Variants in SLC39A6 observed in about 807,000 individuals in gnomAD.
The protein encoded by SLC39A6 is solute carrier family 39 member 6.
Under a neutral mutation model 63.5 loss-of-function variants are expected in SLC39A6, and 51 were observed. The observed-to-expected ratio is 0.80, with a 90% CI of 0.64 to 1.01. The LOEUF (loss-of-function observed/expected upper bound fraction) is 1.01, where lower values mean the gene tolerates loss of function less well. Ranked by LOEUF, SLC39A6 falls within the 50% of genes least tolerant of loss-of-function variation. SLC39A6 has a pLI of 0.00. For missense variants in SLC39A6, 805 were observed against 927.8 expected (o/e 0.87, Z 1.72); for synonymous variants, 318 against 324.7 (o/e 0.98, Z 0.22).
At chr18:36,121,904 T>C (rs973613019) in intron 5 of SLC39A6, 148 bp downstream of exon 5, 3 of 607,160 alleles carry the variant, frequency 4.9e-6, no homozygotes, top group African/African-American at 1.9e-5. Context: ...CATAAATATC[T>C]CTGGGACCAA....
chr18:36,126,074 A>G, intron 2 of SLC39A6, 145 bp downstream of exon 2: 1 of 795,934 alleles, frequency 1.3e-6, no homozygotes, highest in South Asian at 1.7e-5. Flanking sequence ...CTTTGTGGCA[A>G]GTGCCTTGCT....
intron 5 of SLC39A6, 141 bp from the exon 6 acceptor site, chr18:36,116,920 A>G (rs1228106809): frequency 8.2e-6 from 5 of 611,320 alleles, no homozygotes; most frequent in East Asian, 2.9e-5. Flanking sequence ...CTAGCAGCAC[A>G]CTATCTCCTG....
Position 36,122,179 on chromosome 18 carries a change from T to C in SLC39A6, c.1232A>G (p.Asn411Ser). 3 of 1,613,914 alleles carry C rather than the reference T, an allele frequency of 1.9e-6. No homozygotes were observed. The highest frequency in any genetic ancestry group is 2.5e-6 in the Non-Finnish European group (3 of 1,179,784). ...GPLFSHLSSQ[N>S]IEESAYFDST... ...ATCAAAATAGGCACTTTCTTCTATG[T>C]TTTGAGAAGACAGATGACTGAAAAG... The change falls in exon 5 of 10, where the codon AAC (asparagine) becomes AGC (serine). Residue 411 changes from asparagine (N) to serine (S), a missense_variant. Asn to Ser is a conservative substitution (Grantham distance 46, BLOSUM62 1). This residue lies in a region of SLC39A6 where 639 missense variants were observed against 644.0 expected (regional missense o/e 0.99). Coordinates refer to ENST00000269187, the MANE Select transcript of SLC39A6 (RefSeq NM_012319.4).
rs879783750 is a variant in SLC39A6, at chr18:36,109,302, T to C, written c.*291A>G. On this transcript the variant is annotated 3_prime_UTR_variant, in exon 10 of 10. Transcript: ENST00000269187. ...AACTGTGTTAGTTCTTGAAAAAGCA[T>C]TAAAGACATTTTTCCCTGAAACATA... 1.1e-4 allele frequency: 23 copies of C among 204,810 alleles called. No homozygotes were observed. The highest frequency in any genetic ancestry group is 2.0e-4 in the Non-Finnish European group (20 of 102,178). 12.7% of individuals were successfully genotyped at this position (204,810 alleles called of 1,614,324 possible). A position where few individuals can be genotyped will look rare whatever the true frequency, so the allele number is the denominator to read the frequency against.
chr18:36,113,092 C>CAT (rs1177705075), intron 7 of SLC39A6, among the ~76,000 whole-genome samples: 2 of 130,028 alleles, frequency 1.5e-5, no homozygotes, highest in African/African-American at 5.8e-5. Context: ...CATGACTGTG[C>CAT]ATATATATTT....
chr18:36,112,655 AG>A, intron 7 of SLC39A6, 74 bp from the exon 8 acceptor site: 4 of 1,090,748 alleles, frequency 3.7e-6, no homozygotes, highest in Non-Finnish European at 5.6e-6. Context: ...ATGCAAAATG[AG>A]GTAACAAGAA....
Position 36,126,271 on chromosome 18 carries a change from T to C in SLC39A6, c.737A>G (p.Glu246Gly). 6.2e-7 allele frequency: 1 copy of C among 1,614,256 alleles called. No homozygotes were observed. The highest frequency in any genetic ancestry group is 1.1e-5 in the South Asian group (1 of 91,086). The change falls in exon 2 of 10, where the codon GAG (glutamate) becomes GGG (glycine). Residue 246 changes from glutamate to glycine, a missense_variant. Physicochemically the swap from Glu to Gly is moderately conservative, Grantham distance 98 (BLOSUM62 -2). Around this residue, in one of 4 missense-constraint regions of SLC39A6, gnomAD observed 639 missense variants for 644.0 expected, o/e 0.99. Coordinates refer to ENST00000269187, the MANE Select transcript of SLC39A6 (RefSeq NM_012319.4). ...AGRKTNESVS[E>G]PRKGFMYSRN... ...GGAATACATAAAGCCTTTTCGGGGCTCACTCACAGATTCATTTGTTTTCCT... is the reference window on the plus strand; with the variant it reads ...GGAATACATAAAGCCTTTTCGGGGCCCACTCACAGATTCATTTGTTTTCCT...
In SLC39A6 at chr18:36,114,096, C is replaced by G; in HGVS notation, c.1843+1G>C. 6.3e-7 allele frequency: 1 copy of G among 1,587,574 alleles called. No homozygotes were observed. The highest frequency in any genetic ancestry group is 8.6e-7 in the Non-Finnish European group (1 of 1,165,650). On this transcript the variant is annotated splice_donor_variant, in intron 7 of 9. Transcript: ENST00000269187. LOFTEE classifies it high-confidence loss of function. ...CAAGGAACAAATATGTAGATATATACCAATTGCTAGGCCATCGCTGAAATT... is the reference window on the plus strand; with the variant it reads ...CAAGGAACAAATATGTAGATATATAGCAATTGCTAGGCCATCGCTGAAATT...
rs776916805 is a variant in SLC39A6, at chr18:36,111,214, C to A, written c.1960G>T (p.Val654Phe). ...GCATTATAAAGGACAGCCTGCTTAA[C>A]GGTCATGCCAGCCTTTAGTAGAACA... ...FAVLLKAGMT[V>F]KQAVLYNALS... Residue 654 changes from valine to phenylalanine, a missense_variant, in exon 9 of 10, where the codon GTT becomes TTT. By Grantham distance (50) the Val-to-Phe change is conservative (BLOSUM62 -1). Around this residue, in one of 4 missense-constraint regions of SLC39A6, gnomAD observed 145 missense variants for 227.2 expected, o/e 0.64. Transcript: ENST00000269187. The A allele has an allele frequency of 5.6e-6, 9 of 1,613,962 alleles. No individual in the cohort carries two copies. Among genetic ancestry groups the A allele is most frequent in the Non-Finnish European group, 6.8e-6 (8 of 1,179,966 alleles).
intron 7 of SLC39A6, among the ~76,000 whole-genome samples, chr18:36,113,187 C>A (rs757445677): frequency 6.6e-6 from 1 of 151,916 alleles, no homozygotes; most frequent in Non-Finnish European, 1.5e-5. Flanking sequence ...CTCAAACTCC[C>A]GGGCTCAAGC....
At position 36,111,081 on chromosome 18, in the gene SLC39A6, A is replaced by T. The variant is rs955972281; in HGVS notation, c.2093T>A (p.Met698Lys). The T allele has an allele frequency of 2.5e-6, 4 of 1,613,948 alleles. No individual in the cohort carries two copies. The highest frequency in any genetic ancestry group is 2.7e-5 in the African/African-American group (2 of 74,948). Residue 698 changes from methionine (M) to lysine (K), a missense_variant, in exon 9 of 10, where the codon ATG becomes AAG. Physicochemically the swap from Met to Lys is moderately conservative, Grantham distance 95. Around this residue, in one of 4 missense-constraint regions of SLC39A6, gnomAD observed 145 missense variants for 227.2 expected, o/e 0.64. Transcript: ENST00000269187. The part of the protein sequence containing the change: ...WIFALTAGLF[M>K]YVALVDMVPE... ...TACCATATCAACCAGAGCAACATAC[A>T]TGAATAAGCCAGCAGTAAGTGCAAA...
chr18:36,127,040 T>A (rs1361805940), intron 1 of SLC39A6, 24 bp from the exon 2 acceptor site: 4 of 1,547,476 alleles, frequency 2.6e-6, no homozygotes, highest in Non-Finnish European at 3.5e-6. Flanking sequence ...GAAAAAAAAA[T>A]TCTTGACTCA....
At chr18:36,127,761 T>C (rs1389033376) in intron 1 of SLC39A6, among the ~76,000 whole-genome samples, 4 of 32,048 alleles carry the variant, frequency 1.2e-4, no homozygotes, top group African/African-American at 2.1e-4. Context: ...ACATGTATAC[T>C]TAATTTTTTT....
chr18:36,113,958 G>A (rs534288069), intron 7 of SLC39A6, 139 bp downstream of exon 7: 1 of 1,160,600 alleles, frequency 8.6e-7, no homozygotes, highest in South Asian at 1.8e-5. Context: ...AGTAGTAAAA[G>A]AAAAAGTAAC....
Position 36,116,665 on chromosome 18 carries a change from A to T in SLC39A6, c.1465+9T>A. The T allele has an allele frequency of 1.3e-6, 2 of 1,580,252 alleles. No homozygotes were observed. Among genetic ancestry groups the T allele is most frequent in the Non-Finnish European group, 1.7e-6 (2 of 1,149,940 alleles). On this transcript the variant is annotated intron_variant, in intron 6 of 9. Transcript: ENST00000269187. ...CCTCCAGCCCTAAAATTTATGCATA[A>T]GAACTTACGATCATCTGTATCTACT... is the stretch of plus-strand genomic sequence containing the variant.
chr18:36,123,751 A>G, intron 3 of SLC39A6, 87 bp from the exon 4 acceptor site: 1 of 1,327,254 alleles, frequency 7.5e-7, no homozygotes, highest in Non-Finnish European at 1.0e-6. Flanking sequence ...GCATAAAGCA[A>G]CACGTAAAAG....
chr18:36,122,205 T>C lies in SLC39A6; in HGVS notation c.1206A>G (p.Pro402=). Residue 402 remains proline (P), a synonymous_variant, in exon 5 of 10, where the codon CCA becomes CCG. Coordinates refer to ENST00000269187, the MANE Select transcript of SLC39A6 (RefSeq NM_012319.4). ...TTTGAGAAGACAGATGACTGAAAAG[T>C]GGTCCTCTTTTCATTTCCATTGCTG... ...EEPAMEMKRG[P]LFSHLSSQNI... The C allele has an allele frequency of 6.2e-7, 1 of 1,614,016 alleles. No individual in the cohort carries two copies. The highest frequency in any genetic ancestry group is 8.5e-7 in the Non-Finnish European group (1 of 1,179,898).
intron 5 of SLC39A6, among the ~76,000 whole-genome samples, chr18:36,117,395 C>T (rs1428184089): frequency 6.6e-6 from 1 of 152,106 alleles, no homozygotes; most frequent in Non-Finnish European, 1.5e-5. Context: ...GTTATTAAAA[C>T]ACTTTTCTTT....
intron 4 of SLC39A6, among the ~76,000 whole-genome samples, chr18:36,123,187 A>T (rs1156754139): frequency 6.6e-6 from 1 of 152,236 alleles, no homozygotes; most frequent in Non-Finnish European, 1.5e-5. Flanking sequence ...TTACACTAAC[A>T]GATAAAGCAG....
Sources: gnomAD v4.1 joint callset for allele counts (sites outside exome capture counted in the v4.1 genomes callset) on GRCh38, gnomAD v4.1.1 for gene constraint, gnomAD v4.1.1 regional missense constraint, MANE v1.5 for transcripts, NCBI Gene and HGNC (gene_info 2026-07-23, HGNC 2026-07-21) for gene names.